SMG6: variants seen among roughly 807,000 people sequenced by gnomAD.
SMG6 encodes SMG6 nonsense mediated mRNA decay factor.
A neutral mutation model predicts 142.2 loss-of-function variants in SMG6; 66 were observed. The ratio of observed to expected loss-of-function variants is 0.46; its 90% confidence interval spans 0.38 to 0.57. The LOEUF (loss-of-function observed/expected upper bound fraction) is 0.57, where lower values mean the gene tolerates loss of function less well. SMG6 is among the 20% of genes least tolerant of loss of function. The probability of loss-of-function intolerance (pLI) is 0.00; values close to 1 mark genes in which losing one functional copy is unlikely to be tolerated. For missense variants in SMG6, 1,793 were observed against 1,832.0 expected, an observed-to-expected ratio of 0.98 and a Z score of 0.39; for synonymous variants, 779 against 702.4, an observed-to-expected ratio of 1.11 and a Z score of -1.72.
intron 7 of SMG6, among the ~76,000 whole-genome samples, 180 bp from the exon 8 acceptor site, chr17:2,283,039 G>A (rs2074825502): frequency 6.6e-6 from 1 of 152,098 alleles, no homozygotes; most frequent in South Asian, 2.1e-4. Context: ...GTGTGGTGGC[G>A]CATATCTGTA....
At chr17:2,129,903 T>A (rs1228050263) in intron 13 of SMG6, among the ~76,000 whole-genome samples, 2 of 151,458 alleles carry the variant, frequency 1.3e-5, no homozygotes, top group African/African-American at 4.9e-5. Flanking sequence ...TCTATTATTA[T>A]GGTTACCATT....
At chr17:2,274,614 G>A (rs1296826369) in intron 8 of SMG6, among the ~76,000 whole-genome samples, 2 of 152,160 alleles carry the variant, frequency 1.3e-5, no homozygotes, top group African/African-American at 4.8e-5. Context: ...GTACAGTCCA[G>A]ACTGAACCAC....
In SMG6 at chr17:2,292,310, T is replaced by G. The variant is rs76603836; in HGVS notation, c.2337+242A>C. ...CAAAGAATGGTGTTTAGCTGGAGCA[T>G]GAGCATTCCCTCAGGAATTTGAGTG... On this transcript the variant is annotated intron_variant, in intron 6 of 18. Coordinates refer to ENST00000263073, the MANE Select transcript of SMG6 (RefSeq NM_017575.5). Among the ~76,000 whole-genome samples, 1,511 of 152,292 alleles carry G rather than the reference T, an allele frequency of 9.9e-3. 27 individuals are homozygous for G. The highest frequency in any genetic ancestry group is 0.034 in the African/African-American group (1,419 of 41,546).
chr17:2,235,203 A>ATT (rs2073615522), intron 10 of SMG6, among the ~76,000 whole-genome samples: 1 of 152,180 alleles, frequency 6.6e-6, no homozygotes, highest in Non-Finnish European at 1.5e-5. Flanking sequence ...ATTTACCCAA[A>ATT]TAGCCATCTC....
chr17:2,065,178 G>A (rs1249749570), intron 17 of SMG6, 24 bp from the exon 18 acceptor site: 1 of 1,584,014 alleles, frequency 6.3e-7, no homozygotes. Flanking sequence ...TGTGTGAGAA[G>A]CACCACTGGG....
chr17:2,236,700 C>G (rs71359152), intron 9 of SMG6, 63 bp from the exon 10 acceptor site: 1 of 1,413,822 alleles, frequency 7.1e-7, no homozygotes, highest in Non-Finnish European at 9.3e-7. Flanking sequence ...CTCACTCTGT[C>G]TCACACACAC....
chr17:2,297,240 T>C lies in SMG6; in HGVS notation c.2151+3A>G, dbSNP rs766256044. 3 of 1,588,304 alleles carry C rather than the reference T, an allele frequency of 1.9e-6. No homozygotes were observed. Among genetic ancestry groups the C allele is most frequent in the South Asian group, 1.1e-5 (1 of 86,986 alleles). ...TTTAAGATACATAAAGAAGGTAGCTTACTGTCTTGCGTAATGGCTTGCTGC... is the reference window on the plus strand; with the variant it reads ...TTTAAGATACATAAAGAAGGTAGCTCACTGTCTTGCGTAATGGCTTGCTGC... On this transcript the variant is annotated splice_donor_region_variant and intron_variant, in intron 4 of 18. Transcript: ENST00000263073.
At chr17:2,115,480 T>C (rs951735487) in intron 13 of SMG6, among the ~76,000 whole-genome samples, 3 of 152,084 alleles carry the variant, frequency 2.0e-5, no homozygotes, top group Non-Finnish European at 2.9e-5. Flanking sequence ...TTAATAGTAA[T>C]GGCACAAGCA....
intron 8 of SMG6, among the ~76,000 whole-genome samples, chr17:2,273,981 C>A (rs2074595973): frequency 1.3e-5 from 2 of 152,178 alleles, no homozygotes; most frequent in Admixed American, 6.5e-5. Context: ...TAACAAGAAT[C>A]AACTGTTTAC....
chr17:2,303,342 G>A (rs757454337), intron 1 of SMG6: 36 of 1,177,802 alleles, frequency 3.1e-5, no homozygotes, highest in Middle Eastern at 3.4e-4. Flanking sequence ...AATCCGGGGC[G>A]GGTCTGAGAG....
chr17:2,096,635 C>T (rs1171748719), intron 13 of SMG6, among the ~76,000 whole-genome samples: 1 of 152,162 alleles, frequency 6.6e-6, no homozygotes, highest in Admixed American at 6.5e-5. Flanking sequence ...TGTGAGCCGC[C>T]CATCCCAGCC....
At position 2,266,498 on chromosome 17, in the gene SMG6, T is replaced by C. The variant is rs78877173; in HGVS notation, c.2661+16149A>G. Among the ~76,000 whole-genome samples the C allele has an allele frequency of 2.6e-5, 4 of 152,270 alleles. No individual in the cohort carries two copies. In the East Asian group the frequency reaches 7.7e-4, roughly 29 times the overall value. On this transcript the variant is annotated intron_variant, in intron 8 of 18. Coordinates refer to ENST00000263073, the MANE Select transcript of SMG6 (RefSeq NM_017575.5). ...CACAATACACAAAAAATAAACAAAG[T>C]GACTACTGAGAGAGGTTTCTTCAGT...
chr17:2,114,100 T>C (rs969733031), intron 13 of SMG6, among the ~76,000 whole-genome samples: 14 of 152,142 alleles, frequency 9.2e-5, no homozygotes, highest in East Asian at 1.9e-4. Flanking sequence ...AAACCCCGTC[T>C]CTACTAAAAA....
At chr17:2,259,407 G>A (rs1448108954) in intron 8 of SMG6, among the ~76,000 whole-genome samples, 1 of 152,180 alleles carries the variant, frequency 6.6e-6, no homozygotes, top group African/African-American at 2.4e-5. Context: ...TGATGAATAA[G>A]GAAAGAGTCC....
At chr17:2,227,031 G>C (rs1242401250) in intron 10 of SMG6, among the ~76,000 whole-genome samples, 1 of 152,112 alleles carries the variant, frequency 6.6e-6, no homozygotes, top group Non-Finnish European at 1.5e-5. Flanking sequence ...AAATGAAATA[G>C]CACCACACAT....
In SMG6 at chr17:2,299,252, A is replaced by G. The variant is rs1214024872; in HGVS notation, c.1501T>C (p.Phe501Leu). The change falls in exon 2 of 19, where the codon TTT (phenylalanine) becomes CTT (leucine). Residue 501 changes from phenylalanine (F) to leucine (L), a missense_variant. Phe to Leu is a conservative substitution (Grantham distance 22). This residue lies in a region of SMG6 where 1,597 missense variants were observed against 1,584.6 expected (regional missense o/e 1.01). Transcript: ENST00000263073. The surrounding 1 kb of genome is among the most constrained non-coding windows in gnomAD (Gnocchi z 4.3). ...SRQAQASYYKFQNSDNPYYYP... is the reference protein window; with the variant it reads ...SRQAQASYYKLQNSDNPYYYP... ...TAATAGGGGTTGTCAGAGTTTTGAA[A>G]CTTATAGTAAGATGCCTGAGCCTGG... is the stretch of plus-strand genomic sequence containing the variant. 1 of 1,613,906 alleles carries G rather than the reference A, an allele frequency of 6.2e-7. No individual in the cohort carries two copies. The highest frequency in any genetic ancestry group is 1.7e-5 in the Admixed American group (1 of 59,970).
chr17:2,130,438 T>C (rs1412957340), intron 13 of SMG6, among the ~76,000 whole-genome samples: 1 of 151,828 alleles, frequency 6.6e-6, no homozygotes, highest in African/African-American at 2.4e-5. Flanking sequence ...GTATATCATG[T>C]TCATGGATGG....
intron 8 of SMG6, among the ~76,000 whole-genome samples, chr17:2,271,361 G>T (rs577990950): frequency 6.6e-6 from 1 of 151,046 alleles, no homozygotes; most frequent in Non-Finnish European, 1.5e-5. Context: ...AAAGTGCTGG[G>T]ATTACAGGTG....
At chr17:2,137,078 C>T (rs1006107884) in intron 13 of SMG6, among the ~76,000 whole-genome samples, 2 of 152,100 alleles carry the variant, frequency 1.3e-5, no homozygotes, top group African/African-American at 2.4e-5. Context: ...GTAGGAGGAT[C>T]GCTACTTGAA....
Sources: gnomAD v4.1 joint callset for allele counts (sites outside exome capture counted in the v4.1 genomes callset) on GRCh38, gnomAD v4.1.1 for gene constraint, gnomAD v4.1.1 regional missense constraint, Gnocchi (gnomAD v3.1) non-coding constraint, MANE v1.5 for transcripts, NCBI Gene and HGNC (gene_info 2026-07-23, HGNC 2026-07-21) for gene names.